Variants in SRPRA observed in about 807,000 individuals in gnomAD.
SRPRA encodes SRP receptor subunit alpha.
A neutral mutation model predicts 61.1 loss-of-function variants in SRPRA; 30 were observed. The ratio of observed to expected loss-of-function variants is 0.49; its 90% CI spans 0.37 to 0.67. The LOEUF is 0.67. SRPRA is among the 30% of genes least tolerant of loss of function. SRPRA has a pLI of 0.00. For synonymous variants in SRPRA, 324 were observed against 299.7 expected (o/e 1.08, Z -0.84); for missense variants, 759 against 828.4 (o/e 0.92, Z 1.03).
chr11:126,256,918 T>C, the SRPRA span: 2 of 1,480,002 alleles, frequency 1.4e-6, no homozygotes, highest in East Asian at 4.5e-5. This position sits in a 1 kb window ranked among gnomAD's most constrained non-coding sequence, Gnocchi z 6.6. Flanking sequence ...TGTGTATTTG[T>C]GATGTGATGG....
chr11:126,264,912 A>C lies in SRPRA; in HGVS notation c.1525+47T>G. 6.4e-7 allele frequency: 1 copy of C among 1,555,150 alleles called. No homozygotes were observed. Among genetic ancestry groups the C allele is most frequent in the Non-Finnish European group, 8.7e-7 (1 of 1,145,100 alleles). On this transcript the variant is annotated intron_variant, in intron 11 of 13. Coordinates refer to ENST00000332118, the MANE Select transcript of SRPRA (RefSeq NM_003139.4). This position sits in a 1 kb window ranked among gnomAD's most constrained non-coding sequence, Gnocchi z 5.0. ...CTGCAAATTCCAAGAGAACCCAAGG[A>C]GAAAAAGGGACCCCAAATAAGCCCC...
downstream of SRPRA, chr11:126,261,603 T>C (rs1216386496): frequency 8.1e-6 from 6 of 738,164 alleles, no homozygotes; most frequent in Admixed American, 1.2e-4. Context: ...TAAAAAACAC[T>C]GTAGAGAATG....
At chr11:126,261,193 A>G, downstream of SRPRA, 2 of 480,976 alleles carry the variant, frequency 4.2e-6, no homozygotes, top group Non-Finnish European at 7.4e-6. Context: ...TTTGTCTACA[A>G]GCAATCGTAG....
the SRPRA span, among the ~76,000 whole-genome samples, chr11:126,237,540 T>G: frequency 7.3e-6 from 1 of 137,706 alleles, no homozygotes; most frequent in African/African-American, 2.6e-5. Flanking sequence ...ACCTGGCCAA[T>G]TTTAAAAAAA....
At chr11:126,250,794 C>A in the SRPRA span, 6 of 1,319,124 alleles carry the variant, frequency 4.5e-6, no homozygotes, top group Non-Finnish European at 6.3e-6. This position sits in a 1 kb window ranked among gnomAD's most constrained non-coding sequence, Gnocchi z 5.1. Context: ...CTCAGAAAAG[C>A]TCTTTTCTAG....
At chr11:126,239,757 G>C in the SRPRA span, among the ~76,000 whole-genome samples, 2 of 152,102 alleles carry the variant, frequency 1.3e-5, no homozygotes, top group Non-Finnish European at 2.9e-5. Flanking sequence ...CAAGTAATCA[G>C]CCCACCTTGG....
chr11:126,263,507 C>T lies in SRPRA; in HGVS notation c.*409G>A, dbSNP rs1950745066. 6.1e-6 allele frequency: 1 copy of T among 164,344 alleles called. No homozygotes were observed. Among genetic ancestry groups the T allele is most frequent in the South Asian group, 1.6e-4 (1 of 6,172 alleles). The allele number at this position is 164,344 out of a possible 1,614,324, so 10.2% of individuals were successfully genotyped here. A position where few individuals can be genotyped will look rare whatever the true frequency, so the allele number is the denominator to read the frequency against. On this transcript the variant is annotated 3_prime_UTR_variant, in exon 14 of 14. Coordinates refer to ENST00000332118, the MANE Select transcript of SRPRA (RefSeq NM_003139.4). The stretch of plus-strand genomic sequence containing the variant: ...CCTAGGGAGAGGTGCCATTCAAGAC[C>T]TGGCGCTGGCTCTGGAAGAGTCTCT...
At position 126,265,374 on chromosome 11, in the gene SRPRA, C is replaced by T. The variant is rs757900307; in HGVS notation, c.1205G>A (p.Arg402His). 7.4e-6 allele frequency: 12 copies of T among 1,613,950 alleles called. No homozygotes were observed. The highest frequency in any genetic ancestry group is 2.7e-5 in the African/African-American group (2 of 74,930). Residue 402 changes from arginine to histidine, a missense_variant, in exon 10 of 14, where the codon CGT becomes CAT. Transcript: ENST00000332118. This position sits in a 1 kb window ranked among gnomAD's most constrained non-coding sequence, Gnocchi z 6.3. ...CATGATGTCCCGGAGCATGTCTACACGACGCTGTGGCTGCAGAATCTGCAC... is the reference window on the plus strand; with the variant it reads ...CATGATGTCCCGGAGCATGTCTACATGACGCTGTGGCTGCAGAATCTGCAC... ...SLVQILQPQR[R>H]VDMLRDIMDA...
chr11:126,267,895 G>C lies in SRPRA; in HGVS notation c.201+108C>G, dbSNP rs531260150. 8 of 1,424,000 alleles carry C rather than the reference G, an allele frequency of 5.6e-6. No homozygotes were observed. The highest frequency in any genetic ancestry group is 7.8e-6 in the Non-Finnish European group (8 of 1,022,524). The allele number at this position is 1,424,000 out of a possible 1,614,324, so 88.2% of individuals were successfully genotyped here. Reference sequence around the variant, plus strand: ...CTGTTTTCCCCCATCTACCTTTCTAGTTTTTTCAGTTACGTCATCATATAC... The same window carrying C: ...CTGTTTTCCCCCATCTACCTTTCTACTTTTTTCAGTTACGTCATCATATAC... On this transcript the variant is annotated intron_variant, in intron 2 of 13. Transcript: ENST00000332118. The surrounding 1 kb of genome is among the most constrained non-coding windows in gnomAD (Gnocchi z 4.2).
rs1185536078 is a variant in SRPRA at position 126,264,958 on chromosome 11, C to T, written c.1525+1G>A. ...GCCCCCACACTTCCCATGCACTGTA[C>T]CAAAAGCAATGGCTTCCATGGCAAT... is the stretch of plus-strand genomic sequence containing the variant. On this transcript the variant is annotated splice_donor_variant, in intron 11 of 13. Coordinates refer to ENST00000332118, the MANE Select transcript of SRPRA (RefSeq NM_003139.4). LOFTEE classifies it high-confidence loss of function. The surrounding 1 kb of genome is among the most constrained non-coding windows in gnomAD (Gnocchi z 5.0). 6.2e-7 allele frequency: 1 copy of T among 1,613,402 alleles called. No individual in the cohort carries two copies. Among genetic ancestry groups the T allele is most frequent in the Non-Finnish European group, 8.5e-7 (1 of 1,179,954 alleles).
the SRPRA span, among the ~76,000 whole-genome samples, chr11:126,237,266 G>C: frequency 1.8e-5 from 2 of 113,434 alleles, no homozygotes; most frequent in Non-Finnish European, 3.4e-5. Flanking sequence ...TGTTGCCCAG[G>C]CTGGAGTGCA....
chr11:126,267,227 T>C lies in SRPRA; in HGVS notation c.474A>G (p.Glu158=), dbSNP rs1216986613. Residue 158 remains glutamate (E), a synonymous_variant, in exon 4 of 14, where the codon GAA becomes GAG. Transcript: ENST00000332118. This position sits in a 1 kb window ranked among gnomAD's most constrained non-coding sequence, Gnocchi z 4.2. ...TATTCTTTGCTTTTTCCTTGGGCTT[T>C]TCCCCCCGTGTCTCAATCATGGACC... The part of the protein sequence containing the change: ...PVRSMIETRG[E]KPKEKAKNSK... 4.3e-6 allele frequency: 7 copies of C among 1,614,188 alleles called. No individual in the cohort carries two copies. The South Asian group carries it at 6.6e-5, about 15-fold the overall frequency.
At chr11:126,262,261 C>A, downstream of SRPRA, 3 of 861,398 alleles carry the variant, frequency 3.5e-6, no homozygotes, top group Non-Finnish European at 5.4e-6. Context: ...GGTTGAAGGG[C>A]GGGGTAGAAG....
Position 126,263,645 on chromosome 11 carries a change from G to C in SRPRA, c.*271C>G, listed in dbSNP as rs553923700. On this transcript the variant is annotated 3_prime_UTR_variant, in exon 14 of 14. Coordinates refer to ENST00000332118, the MANE Select transcript of SRPRA (RefSeq NM_003139.4). ...TTGGTCAAAGCTGTAATAAGACTGA[G>C]TCTGTAGGCAGAGTGAAGGGGGTGC... The C allele has an allele frequency of 2.3e-5, 10 of 440,036 alleles. No homozygotes were observed. The South Asian group carries it at 2.7e-4, about 12-fold the overall frequency. The allele number at this position is 440,036 out of a possible 1,614,324, so 27.3% of individuals were successfully genotyped here.
At chr11:126,238,584 C>T in the SRPRA span, among the ~76,000 whole-genome samples, 1 of 152,174 alleles carries the variant, frequency 6.6e-6, no homozygotes, top group South Asian at 2.1e-4. Context: ...ATTTTATATA[C>T]AGACTTTTAC....
At chr11:126,240,662 C>G in the SRPRA span, 1 of 932,002 alleles carries the variant, frequency 1.1e-6, no homozygotes, top group Non-Finnish European at 1.6e-6. Flanking sequence ...GGAAAGGTGT[C>G]AAAAACTGCT....
At chr11:126,253,642 AT>A in the SRPRA span, among the ~76,000 whole-genome samples, 1 of 152,080 alleles carries the variant, frequency 6.6e-6, no homozygotes, top group Non-Finnish European at 1.5e-5. This position sits in a 1 kb window ranked among gnomAD's most constrained non-coding sequence, Gnocchi z 5.1. Context: ...TCAGCCAGGC[AT>A]TTTTTCTGCT....
chr11:126,267,004 C>T lies in SRPRA; in HGVS notation c.527-82G>A. On this transcript the variant is annotated intron_variant, in intron 4 of 13. Coordinates refer to ENST00000332118, the MANE Select transcript of SRPRA (RefSeq NM_003139.4). This position sits in a 1 kb window ranked among gnomAD's most constrained non-coding sequence, Gnocchi z 4.2. ...ATGGCTAAAAGTCTTCCAAATTGTT[C>T]AAAGGAAATTTGGACCAAACATCTT... 6.5e-7 allele frequency: 1 copy of T among 1,548,908 alleles called. No homozygotes were observed. Among genetic ancestry groups the T allele is most frequent in the South Asian group, 1.2e-5 (1 of 81,308 alleles).
At position 126,263,697 on chromosome 11, in the gene SRPRA, G is replaced by C; in HGVS notation, c.*219C>G. 1.7e-6 allele frequency: 1 copy of C among 600,726 alleles called. No individual in the cohort carries two copies. Among genetic ancestry groups the C allele is most frequent in the South Asian group, 2.2e-5 (1 of 45,900 alleles). 37.2% of individuals were successfully genotyped at this position (600,726 alleles called of 1,614,324 possible). Reference sequence around the variant, plus strand: ...TGAGTAGGAAGGGGGAGGCCCGCTGGGAGAGGGTCAGTGGGCAGTGATTGT... The same window carrying C: ...TGAGTAGGAAGGGGGAGGCCCGCTGCGAGAGGGTCAGTGGGCAGTGATTGT... On this transcript the variant is annotated 3_prime_UTR_variant, in exon 14 of 14. Transcript: ENST00000332118.
Sources: allele counts gnomAD v4.1 joint callset (sites outside exome capture counted in the v4.1 genomes callset), GRCh38; gene constraint gnomAD v4.1.1; non-coding constraint Gnocchi (gnomAD v3.1); transcripts MANE v1.5; gene names NCBI Gene and HGNC (gene_info 2026-07-23, HGNC 2026-07-21).